The following NPAS3 variants were observed in gnomAD, a reference collection of about 807,000 sequenced individuals.
The protein encoded by NPAS3 is neuronal PAS domain protein 3.
A neutral mutation model predicts 73.1 loss-of-function variants in NPAS3; 14 were observed. That is an observed-to-expected ratio of 0.19 (90% CI 0.13 to 0.30). NPAS3 has a LOEUF of 0.30. NPAS3 is among the 10% of genes least tolerant of loss of function. The pLI, the probability that NPAS3 is intolerant of heterozygous loss-of-function variation, is 1.00. For synonymous variants in NPAS3, 620 were observed against 541.5 expected (o/e 1.14, Z -2.01); for missense variants, 1,096 against 1,250.0 (o/e 0.88, Z 1.86).
intron 1 of NPAS3, among the ~76,000 whole-genome samples, chr14:33,043,945 A>T (rs2040422510): frequency 6.6e-6 from 1 of 152,198 alleles, no homozygotes; most frequent in South Asian, 2.1e-4. Context: ...TGCCTCAAGT[A>T]CAATTTCCTT....
At chr14:33,366,325 T>TA (rs112336571) in intron 3 of NPAS3, among the ~76,000 whole-genome samples, 1,809 of 145,912 alleles carry the variant, frequency 0.012, 20 homozygotes, top group Middle Eastern at 0.024. Flanking sequence ...GAACCCCACG[T>TA]AAAAAAAAAA....
intron 4 of NPAS3, among the ~76,000 whole-genome samples, chr14:33,537,377 C>T (rs1479773165): frequency 6.6e-6 from 1 of 152,040 alleles, no homozygotes; most frequent in South Asian, 2.1e-4. Flanking sequence ...TATGCTCAAA[C>T]AGAAAAAATC....
At chr14:32,955,420 A>G (rs1167092973) in intron 1 of NPAS3, among the ~76,000 whole-genome samples, 1 of 152,136 alleles carries the variant, frequency 6.6e-6, no homozygotes, top group Non-Finnish European at 1.5e-5. Flanking sequence ...TCATGCTAAG[A>G]CATCAAGCTC....
chr14:33,550,645 A>T (rs1226803682), intron 4 of NPAS3, among the ~76,000 whole-genome samples: 1 of 152,254 alleles, frequency 6.6e-6, no homozygotes, highest in Non-Finnish European at 1.5e-5. Context: ...AAATGAAAGA[A>T]GGTTAGCAAA....
chr14:33,569,985 A>C (rs924109695), intron 5 of NPAS3, among the ~76,000 whole-genome samples: 2 of 152,202 alleles, frequency 1.3e-5, no homozygotes, highest in Non-Finnish European at 2.9e-5. Flanking sequence ...AACCTGCCAG[A>C]TGACTAAGTA....
intron 5 of NPAS3, among the ~76,000 whole-genome samples, chr14:33,568,991 G>T (rs1417045674): frequency 6.6e-6 from 1 of 152,074 alleles, no homozygotes; most frequent in Non-Finnish European, 1.5e-5. Context: ...ATGCATTTTT[G>T]TGTGAATATG....
chr14:33,329,173 T>C (rs1278345353), intron 3 of NPAS3, among the ~76,000 whole-genome samples: 2 of 152,188 alleles, frequency 1.3e-5, no homozygotes, highest in African/African-American at 4.8e-5. Context: ...TTGTTGAGCA[T>C]ATGCTGCATG....
At chr14:33,186,320 G>A (rs1277997162) in intron 2 of NPAS3, among the ~76,000 whole-genome samples, 1 of 152,202 alleles carries the variant, frequency 6.6e-6, no homozygotes, top group Non-Finnish European at 1.5e-5. Flanking sequence ...TTATCTTATA[G>A]TGTTGAGGGC....
intron 5 of NPAS3, among the ~76,000 whole-genome samples, chr14:33,598,199 C>T (rs139429468): frequency 5.9e-5 from 9 of 152,316 alleles, no homozygotes; most frequent in Non-Finnish European, 1.3e-4. Flanking sequence ...ATCTCCTTTA[C>T]CCAGACCCAT....
chr14:33,131,165 C>G (rs1435756507), intron 2 of NPAS3, among the ~76,000 whole-genome samples: 2 of 152,066 alleles, frequency 1.3e-5, no homozygotes, highest in African/African-American at 2.4e-5. Flanking sequence ...AACAAAGACA[C>G]TTTTTTCCTC....
intron 3 of NPAS3, among the ~76,000 whole-genome samples, chr14:33,236,040 G>A (rs2048023069): frequency 6.6e-6 from 1 of 151,766 alleles, no homozygotes; most frequent in Non-Finnish European, 1.5e-5. Flanking sequence ...GAGAGAGTTA[G>A]CATCTATTTG....
chr14:33,496,236 C>T (rs1038088293), intron 4 of NPAS3, among the ~76,000 whole-genome samples: 15 of 151,956 alleles, frequency 9.9e-5, no homozygotes, highest in African/African-American at 3.4e-4. Flanking sequence ...AGTCCAGGAC[C>T]GGATGGATTC....
intron 3 of NPAS3, among the ~76,000 whole-genome samples, chr14:33,340,460 A>C (rs2044422291): frequency 6.6e-6 from 1 of 152,208 alleles, no homozygotes; most frequent in Admixed American, 6.5e-5. Flanking sequence ...GTGCCACTGC[A>C]CTCCAGCCTG....
chr14:33,446,174 T>A (rs111821752), intron 4 of NPAS3, among the ~76,000 whole-genome samples: 1 of 96,556 alleles, frequency 1.0e-5, no homozygotes, highest in Admixed American at 9.6e-5. Flanking sequence ...TTCTTTTTTT[T>A]TTTTTTTTTT....
intron 9 of NPAS3, among the ~76,000 whole-genome samples, chr14:33,789,149 T>A (rs1414868472): frequency 6.6e-6 from 1 of 152,198 alleles, no homozygotes; most frequent in Non-Finnish European, 1.5e-5. Context: ...CACTTACTCA[T>A]GGTATTGTAA....
chr14:33,516,563 A>G (rs1256713679), intron 4 of NPAS3, among the ~76,000 whole-genome samples: 1 of 152,124 alleles, frequency 6.6e-6, no homozygotes, highest in Non-Finnish European at 1.5e-5. Flanking sequence ...TTGACCATCT[A>G]ATAGCTGCAT....
Position 33,197,266 on chromosome 14 carries a change from TG to T in NPAS3, c.141-17915del, listed in dbSNP as rs1441643403. Among the ~76,000 whole-genome samples, 34 of 150,150 alleles carry T rather than the reference TG, an allele frequency of 2.3e-4. 2 individuals are homozygous for T. The highest frequency in any genetic ancestry group is 1.8e-3 in the Admixed American group (26 of 14,826). ...GTGTGTGTGTGTGTGTGTGTGTGTG[TG>T]TTCTTTTTCAATTGAGATCCACTGT... On this transcript the variant is annotated intron_variant, in intron 2 of 11. Transcript: ENST00000356141.
chr14:33,145,647 T>C (rs2044212112), intron 2 of NPAS3, among the ~76,000 whole-genome samples: 1 of 152,156 alleles, frequency 6.6e-6, no homozygotes, highest in Admixed American at 6.5e-5. Context: ...TTCCCCACAT[T>C]AGTGGTTTAA....
At chr14:33,054,614 GT>G (rs10545642) in intron 1 of NPAS3, among the ~76,000 whole-genome samples, 53,411 of 136,906 alleles carry the variant, frequency 0.39, 10,751 homozygotes, top group East Asian at 0.85. Context: ...ACTTATCTGA[GT>G]TTTTTTTTTT....
Sources: gnomAD v4.1 joint callset for allele counts (sites outside exome capture counted in the v4.1 genomes callset) on GRCh38, gnomAD v4.1.1 for gene constraint, MANE v1.5 for transcripts, NCBI Gene and HGNC (gene_info 2026-07-23, HGNC 2026-07-21) for gene names.